C16orf89: variants seen among roughly 807,000 people sequenced by gnomAD.
The protein encoded by C16orf89 is chromosome 16 open reading frame 89.
C16orf89 carries 57 observed loss-of-function variants against 41.5 expected under a neutral mutation model. That is an observed-to-expected ratio of 1.38 (90% CI 1.11 to 1.71). C16orf89 has a LOEUF of 1.71. Ranked by LOEUF, C16orf89 falls within the 40% of genes most tolerant of loss-of-function variation. The pLI, the probability that C16orf89 is intolerant of heterozygous loss-of-function variation, is 0.00. For missense variants in C16orf89, 575 were observed against 445.9 expected (o/e 1.29, Z -2.61); for synonymous variants, 223 against 190.6 (o/e 1.17, Z -1.40).
rs368900172 is a variant in C16orf89 at position 5,058,582 on chromosome 16, A to G, written c.538T>C (p.Ser180Pro). The change falls in exon 4 of 8, where the codon TCA becomes CCA. Residue 180 changes from serine (S) to proline (P), a missense_variant. Transcript: ENST00000472572. ...GTCATGAGGCTCCTGCAGAGGTCTG[A>G]GAGGCCGCAGGGCTCGCTGCTGTCC... ...GTDSSEPCGL[S>P]DLCRSLMTKP... The G allele has an allele frequency of 8.1e-6, 13 of 1,612,380 alleles. No individual in the cohort carries two copies. Among genetic ancestry groups the G allele is most frequent in the African/African-American group, 4.0e-5 (3 of 74,912 alleles).
chr16:5,044,501 G>A, intron 7 of C16orf89, 23 bp from the exon 8 acceptor site: 1 of 1,611,870 alleles, frequency 6.2e-7, no homozygotes, highest in Non-Finnish European at 8.5e-7. Context: ...GCCCCCATGA[G>A]TGCTGGGTGG....
intron 7 of C16orf89, among the ~76,000 whole-genome samples, chr16:5,046,615 T>A (rs1005658574): frequency 6.6e-6 from 1 of 152,286 alleles, no homozygotes; most frequent in East Asian, 1.9e-4. Flanking sequence ...CCTCCCAAAG[T>A]GCTAGGATTA....
chr16:5,044,615 G>A (rs1310454659), intron 7 of C16orf89, 137 bp from the exon 8 acceptor site: 1 of 1,480,366 alleles, frequency 6.8e-7, no homozygotes, highest in Admixed American at 2.0e-5. Context: ...CCTGAGGTGG[G>A]CGGATCTCTT....
chr16:5,056,267 C>A, intron 4 of C16orf89, 79 bp from the exon 5 acceptor site: 1 of 1,404,674 alleles, frequency 7.1e-7, no homozygotes, highest in South Asian at 1.3e-5. Context: ...GAAAGTCTTG[C>A]AGTTCTGAGA....
intron 3 of C16orf89, among the ~76,000 whole-genome samples, chr16:5,059,903 A>G (rs1371610902): frequency 4.0e-5 from 4 of 100,944 alleles, no homozygotes; most frequent in African/African-American, 1.5e-4. Context: ...CCTGAGGCCC[A>G]GGGGGTGGAG....
intron 5 of C16orf89, chr16:5,055,770 T>A: frequency 6.6e-7 from 1 of 1,515,436 alleles, no homozygotes; most frequent in Non-Finnish European, 8.9e-7. Context: ...AAATACAGGA[T>A]GCCCAGTTAC....
At chr16:5,051,287 T>G (rs1284652094) in intron 6 of C16orf89, among the ~76,000 whole-genome samples, 1 of 152,210 alleles carries the variant, frequency 6.6e-6, no homozygotes, top group African/African-American at 2.4e-5. Context: ...TGACATGATC[T>G]GATAGACAGG....
intron 7 of C16orf89, among the ~76,000 whole-genome samples, chr16:5,047,067 A>G (rs1956310895): frequency 6.6e-6 from 1 of 152,070 alleles, no homozygotes; most frequent in Non-Finnish European, 1.5e-5. Context: ...ATTTCCCAGG[A>G]TGTCTTGCCT....
At chr16:5,046,594 A>G (rs1596682199) in intron 7 of C16orf89, among the ~76,000 whole-genome samples, 1 of 151,832 alleles carries the variant, frequency 6.6e-6, no homozygotes, top group Non-Finnish European at 1.5e-5. Context: ...CAGGTGTTCC[A>G]CCCGCCTTAG....
chr16:5,061,288 G>A (rs1436603762), intron 2 of C16orf89, among the ~76,000 whole-genome samples: 16 of 129,964 alleles, frequency 1.2e-4, no homozygotes, highest in Non-Finnish European at 1.8e-4. Context: ...AAAAAAAGCC[G>A]GGCGTGGTGG....
At chr16:5,050,140 G>C (rs1479004648) in intron 6 of C16orf89, among the ~76,000 whole-genome samples, 1 of 152,114 alleles carries the variant, frequency 6.6e-6, no homozygotes, top group Non-Finnish European at 1.5e-5. Flanking sequence ...GGCCAAGGTG[G>C]GCAGATCACT....
chr16:5,053,236 G>T (rs1183881822), intron 6 of C16orf89, among the ~76,000 whole-genome samples: 1 of 152,044 alleles, frequency 6.6e-6, no homozygotes, highest in Non-Finnish European at 1.5e-5. Context: ...TGGGCGTGGT[G>T]GCATGCACCT....
At chr16:5,055,470 C>T (rs910541118) in intron 5 of C16orf89, 120 bp from the exon 6 acceptor site, 11 of 1,046,010 alleles carry the variant, frequency 1.1e-5, no homozygotes, top group East Asian at 5.2e-5. Context: ...AGGAGGTGGG[C>T]GTTCAATGCA....
intron 4 of C16orf89, 88 bp from the exon 5 acceptor site, chr16:5,056,276 G>T: frequency 1.5e-6 from 2 of 1,337,558 alleles, no homozygotes; most frequent in Non-Finnish European, 2.1e-6. Flanking sequence ...GCAGTTCTGA[G>T]ACGGTCTTGC....
chr16:5,061,683 C>A (rs1218080636), intron 2 of C16orf89, among the ~76,000 whole-genome samples: 1 of 151,914 alleles, frequency 6.6e-6, no homozygotes, highest in Non-Finnish European at 1.5e-5. Flanking sequence ...GGGTGGGGGA[C>A]CTTAAAATTG....
chr16:5,062,618 G>A (rs1956650977), intron 1 of C16orf89, 44 bp from the exon 2 acceptor site: 1 of 1,521,392 alleles, frequency 6.6e-7, no homozygotes, highest in Non-Finnish European at 8.8e-7. Flanking sequence ...TTGGAATCGG[G>A]ACCTTTTTTT....
chr16:5,062,318 A>T, intron 2 of C16orf89, 107 bp downstream of exon 2: 6 of 1,352,070 alleles, frequency 4.4e-6, no homozygotes, highest in Non-Finnish European at 5.9e-6. Context: ...TTGGTTACGG[A>T]CTGTCCCAGC....
intron 6 of C16orf89, among the ~76,000 whole-genome samples, chr16:5,049,860 G>C (rs1461166441): frequency 6.6e-6 from 1 of 151,790 alleles, no homozygotes; most frequent in Non-Finnish European, 1.5e-5. Context: ...GATCAGAGCA[G>C]AAATAAATAA....
chr16:5,060,006 CGGA>C (rs1956583098), intron 3 of C16orf89, among the ~76,000 whole-genome samples: 1 of 151,938 alleles, frequency 6.6e-6, no homozygotes, highest in African/African-American at 2.4e-5. Flanking sequence ...CTTGGAACTG[CGGA>C]GAGGAATTGG....
Sources: gnomAD v4.1 joint callset for allele counts (sites outside exome capture counted in the v4.1 genomes callset) on GRCh38, gnomAD v4.1.1 for gene constraint, MANE v1.5 for transcripts, NCBI Gene and HGNC (gene_info 2026-07-23, HGNC 2026-07-21) for gene names.